HEMK2: variants seen among roughly 807,000 people sequenced by gnomAD.
HEMK2 encodes methyltransferase HEMK2.
At chr21:28,723,357 T>A in the HEMK2 span, among the ~76,000 whole-genome samples, 1 of 152,130 alleles carries the variant, frequency 6.6e-6, no homozygotes, top group East Asian at 1.9e-4. Context: ...AGTCTACATG[T>A]CACTGCACAC....
the HEMK2 span, among the ~76,000 whole-genome samples, chr21:28,860,347 T>C: frequency 6.6e-6 from 1 of 151,992 alleles, no homozygotes; most frequent in Non-Finnish European, 1.5e-5. Context: ...CGTTCTTCAG[T>C]TTTGGAACTC....
chr21:28,741,945 T>G, the HEMK2 span, among the ~76,000 whole-genome samples: 1 of 152,204 alleles, frequency 6.6e-6, no homozygotes, highest in African/African-American at 2.4e-5. Context: ...CTGGGTCAAA[T>G]GGTATTTCTG....
the HEMK2 span, among the ~76,000 whole-genome samples, chr21:28,628,862 C>T: frequency 6.6e-6 from 1 of 152,216 alleles, no homozygotes; most frequent in African/African-American, 2.4e-5. Context: ...CATCCATGTG[C>T]TCTGGCATTA....
At chr21:28,690,963 T>C in the HEMK2 span, among the ~76,000 whole-genome samples, 4 of 152,188 alleles carry the variant, frequency 2.6e-5, no homozygotes, top group Admixed American at 1.3e-4. Flanking sequence ...TCCTCTCTAT[T>C]TTCTGCAAAT....
the HEMK2 span, among the ~76,000 whole-genome samples, chr21:28,701,103 T>G: frequency 6.6e-6 from 1 of 152,184 alleles, no homozygotes; most frequent in Non-Finnish European, 1.5e-5. Context: ...CAACATGCCT[T>G]CATGATGAAA....
the HEMK2 span, among the ~76,000 whole-genome samples, chr21:28,647,644 A>G: frequency 6.6e-6 from 1 of 152,156 alleles, no homozygotes; most frequent in Admixed American, 6.6e-5. Flanking sequence ...GGCTGGAACC[A>G]CGCATTGCCT....
the HEMK2 span, among the ~76,000 whole-genome samples, chr21:28,835,295 C>G: frequency 6.6e-6 from 1 of 152,306 alleles, no homozygotes; most frequent in South Asian, 2.1e-4. Context: ...CTGAGAGACA[C>G]ATAGATGGTT....
the HEMK2 span, among the ~76,000 whole-genome samples, chr21:28,596,518 T>A: frequency 1.8e-4 from 28 of 152,332 alleles, no homozygotes; most frequent in South Asian, 8.3e-4. Context: ...ATATGAATAA[T>A]TCTATAATCC....
chr21:28,873,852 TG>T, the HEMK2 span: 1 of 152,094 alleles, frequency 6.6e-6, no homozygotes, highest in African/African-American at 2.4e-5. Context: ...TTCCACCCTA[TG>T]TAAGACCTCT....
chr21:28,801,824 G>GAAA, the HEMK2 span, among the ~76,000 whole-genome samples: 1 of 152,140 alleles, frequency 6.6e-6, no homozygotes, highest in African/African-American at 2.4e-5. Flanking sequence ...TATAAGAAGA[G>GAAA]AAAGGCAAAT....
the HEMK2 span, among the ~76,000 whole-genome samples, chr21:28,736,288 G>A: frequency 6.6e-6 from 1 of 152,288 alleles, no homozygotes; most frequent in South Asian, 2.1e-4. Flanking sequence ...CCGTGAAGTA[G>A]GATAACCCAC....
chr21:28,577,871 T>C, the HEMK2 span, among the ~76,000 whole-genome samples: 1 of 152,218 alleles, frequency 6.6e-6, no homozygotes, highest in Admixed American at 6.5e-5. Flanking sequence ...TATTTCTATT[T>C]CTAGTACCCT....
the HEMK2 span, among the ~76,000 whole-genome samples, chr21:28,688,696 G>A: frequency 4.6e-5 from 7 of 152,098 alleles, no homozygotes; most frequent in African/African-American, 1.2e-4. Context: ...CTACAGATGC[G>A]TAAAAATTTA....
the HEMK2 span, among the ~76,000 whole-genome samples, chr21:28,639,387 A>G: frequency 2.0e-5 from 3 of 152,342 alleles, no homozygotes; most frequent in South Asian, 4.1e-4. Context: ...AGCACATATT[A>G]ATTTAACACC....
the HEMK2 span, among the ~76,000 whole-genome samples, chr21:28,855,105 G>A: frequency 2.0e-5 from 3 of 152,204 alleles, no homozygotes; most frequent in African/African-American, 4.8e-5. Flanking sequence ...ACTGTATGCT[G>A]TCTTCCAGAG....
At chr21:28,639,472 A>G in the HEMK2 span, among the ~76,000 whole-genome samples, 1 of 152,232 alleles carries the variant, frequency 6.6e-6, no homozygotes, top group Non-Finnish European at 1.5e-5. Context: ...ACAGGAAATC[A>G]GGTAATAATA....
chr21:28,809,038 A>G, the HEMK2 span, among the ~76,000 whole-genome samples: 1 of 152,212 alleles, frequency 6.6e-6, no homozygotes, highest in Admixed American at 6.6e-5. Context: ...GCAAAATAAA[A>G]TTTTGTCTTT....
At chr21:28,834,966 AT>A in the HEMK2 span, among the ~76,000 whole-genome samples, 1 of 152,030 alleles carries the variant, frequency 6.6e-6, no homozygotes, top group African/African-American at 2.4e-5. Flanking sequence ...TCTCACCCCC[AT>A]CCCCCACAGT....
chr21:28,831,462 C>CGAAAGAAAGAACGAAAGAAAGAAA, the HEMK2 span, among the ~76,000 whole-genome samples: 1 of 23,612 alleles, frequency 4.2e-5, no homozygotes, highest in Non-Finnish European at 8.5e-5. Context: ...AAGAAAAGAA[C>CGAAAGAAAGAACGAAAGAAAGAAA]GAAAGAAAGA....
Sources: gnomAD v4.1 joint callset for allele counts (sites outside exome capture counted in the v4.1 genomes callset) on GRCh38, gnomAD v4.1.1 for gene constraint, MANE v1.5 for transcripts, NCBI Gene and HGNC (gene_info 2026-07-23, HGNC 2026-07-21) for gene names.